RSRP1: variants seen among roughly 807,000 people sequenced by gnomAD.
RSRP1 encodes arginine and serine rich protein 1.
In RSRP1, 37 loss-of-function variants were observed where a neutral mutation model predicts 33.0. The ratio of observed to expected loss-of-function variants is 1.12; its 90% CI spans 0.86 to 1.48. RSRP1 has a LOEUF of 1.48. Ranked by LOEUF, RSRP1 falls within the 40% of genes most tolerant of loss-of-function variation. The pLI, the probability that RSRP1 is intolerant of heterozygous loss-of-function variation, is 0.00. For missense variants in RSRP1, 402 were observed against 385.3 expected (o/e 1.04, Z -0.36); for synonymous variants, 167 against 158.7 (o/e 1.05, Z -0.40).
At chr1:25,313,726 A>G (rs1644285248) in intron 1 of RSRP1, among the ~76,000 whole-genome samples, 1 of 131,972 alleles carries the variant, frequency 7.6e-6, no homozygotes, top group Non-Finnish European at 1.8e-5. Flanking sequence ...GTGGTGGGAG[A>G]GTAACTGGGT....
chr1:25,299,251 G>A (rs546795387), intron 1 of RSRP1, among the ~76,000 whole-genome samples: 2 of 128,666 alleles, frequency 1.6e-5, no homozygotes, highest in East Asian at 3.9e-4. Context: ...GCACGGTGGT[G>A]GGTGCCTGTA....
Position 25,292,018 on chromosome 1 carries a change from T to G in RSRP1, c.-66-44989A>C, listed in dbSNP as rs761972740. Among the ~76,000 whole-genome samples the G allele has an allele frequency of 2.6e-4, 34 of 131,536 alleles. 8 individuals are homozygous for G. The highest frequency in any genetic ancestry group is 4.7e-4 in the South Asian group (2 of 4,300). The allele number at this position is 131,536 out of a possible 152,430, so 86.3% of individuals were successfully genotyped here. A position where few individuals can be genotyped will look rare whatever the true frequency, so the allele number is the denominator to read the frequency against. ...TGGACTTGGAGTCAAAGGCTGGGGT[T>G]TGCATCCCAGCTCTGCCATAAATCC... On this transcript the variant is annotated intron_variant, in intron 1 of 1. Transcript: ENST00000561867.
In RSRP1 at chr1:25,315,574, G is replaced by A. The variant is rs1418191087; in HGVS notation, c.-67+22404C>T. On this transcript the variant is annotated intron_variant, in intron 1 of 1. Transcript: ENST00000561867. ...TGCAGTGGCGTGATCTCAGCTCACTGCAAACTCCACCTCCCAGGTTCACGC... is the reference window on the plus strand; with the variant it reads ...TGCAGTGGCGTGATCTCAGCTCACTACAAACTCCACCTCCCAGGTTCACGC... Among the ~76,000 whole-genome samples, 2 of 121,352 alleles carry A rather than the reference G, an allele frequency of 1.6e-5. 1 individual carries two copies. Among genetic ancestry groups the A allele is most frequent in the South Asian group, 5.1e-4 (2 of 3,940 alleles). 79.6% of individuals were successfully genotyped at this position (121,352 alleles called of 152,430 possible).
intron 1 of RSRP1, among the ~76,000 whole-genome samples, chr1:25,257,149 T>C (rs903242555): frequency 6.6e-6 from 1 of 152,226 alleles, no homozygotes; most frequent in Non-Finnish European, 1.5e-5. Flanking sequence ...AAAAAGGTTG[T>C]CACGACAATG....
In RSRP1 at chr1:25,261,022, C is replaced by G. The variant is rs554434430; in HGVS notation, c.-66-13993G>C. Among the ~76,000 whole-genome samples the G allele has an allele frequency of 3.9e-3, 596 of 151,886 alleles. 4 individuals carry two copies. Among genetic ancestry groups the G allele is most frequent in the African/African-American group, 0.014 (571 of 41,342 alleles). ...TCACCATATTGGCCAGGCTGGTCTC[C>G]AACTCCTGACCTTGTCATCTGCCTG... On this transcript the variant is annotated intron_variant, in intron 1 of 1. Coordinates refer to the RSRP1 transcript ENST00000561867.
At chr1:25,244,443 G>C in intron 3 of RSRP1, 2 of 1,289,354 alleles carry the variant, frequency 1.6e-6, no homozygotes, top group Non-Finnish European at 2.0e-6. Flanking sequence ...TTTAGCCCAT[G>C]TATCAATTAC....
intron 1 of RSRP1, among the ~76,000 whole-genome samples, chr1:25,264,267 C>T (rs1330215299): frequency 6.6e-6 from 1 of 152,016 alleles, no homozygotes; most frequent in Non-Finnish European, 1.5e-5. Flanking sequence ...TCTGCACTGC[C>T]CTGGCAGAGG....
chr1:25,292,037 T>C (rs574947229), intron 1 of RSRP1, among the ~76,000 whole-genome samples: 2 of 132,884 alleles, frequency 1.5e-5, no homozygotes, highest in East Asian at 3.9e-4. Context: ...AGCTCTGCCA[T>C]AAATCCCTGT....
rs377172989 is a variant in RSRP1 at position 25,289,817 on chromosome 1, A to C, written c.-66-42788T>G. Among the ~76,000 whole-genome samples, 3 of 113,876 alleles carry C rather than the reference A, an allele frequency of 2.6e-5. 1 individual carries two copies. The Admixed American group carries it at 2.6e-4, about 10-fold the overall frequency. The allele number at this position is 113,876 out of a possible 152,430, so 74.7% of individuals were successfully genotyped here. ...TCATGGTGTAGCCTGTCTAGATCAT[A>C]AGTACATTTTTTTTTTTTTTGGATC... is the stretch of plus-strand genomic sequence containing the variant. On this transcript the variant is annotated intron_variant, in intron 1 of 1. Transcript: ENST00000561867.
At chr1:25,250,839 T>C, upstream of RSRP1, among the ~76,000 whole-genome samples, 1 of 151,900 alleles carries the variant, frequency 6.6e-6, no homozygotes, top group East Asian at 1.9e-4. Flanking sequence ...TGAAACCCCA[T>C]CTCTACTAAA....
At chr1:25,299,348 C>G (rs1643202456) in intron 1 of RSRP1, among the ~76,000 whole-genome samples, 1 of 130,750 alleles carries the variant, frequency 7.6e-6, no homozygotes, top group Non-Finnish European at 1.8e-5. Flanking sequence ...CACCAGTGCA[C>G]TCTAGCCTGG....
rs1643019304 is a variant in RSRP1, at chr1:25,297,084, C to T, written c.-67+40894G>A. ...GAAAAAAATATATATTTTTTGTGGT[C>T]GAGGATTACATCTTGCATTTAGTTC... On this transcript the variant is annotated intron_variant, in intron 1 of 1. Transcript: ENST00000561867. 1.6e-5 allele frequency among the ~76,000 whole-genome samples: 2 copies of T among 125,870 alleles called. 1 individual carries two copies. Among genetic ancestry groups the T allele is most frequent in the Non-Finnish European group, 3.7e-5 (2 of 53,942 alleles). The allele number at this position is 125,870 out of a possible 152,430, so 82.6% of individuals were successfully genotyped here. A position where few individuals can be genotyped will look rare whatever the true frequency, so the allele number is the denominator to read the frequency against.
At chr1:25,290,675 C>G (rs779613913) in intron 1 of RSRP1, 1 of 1,378,342 alleles carries the variant, frequency 7.3e-7, no homozygotes, top group African/African-American at 1.4e-5. Context: ...TTTGTCGGTG[C>G]TGATCTCAGT....
chr1:25,334,187 A>G lies in RSRP1; in HGVS notation c.-67+3791T>C, dbSNP rs1645050718. 1.5e-5 allele frequency among the ~76,000 whole-genome samples: 2 copies of G among 132,364 alleles called. 1 individual carries two copies. The highest frequency in any genetic ancestry group is 3.6e-5 in the Non-Finnish European group (2 of 56,014). 86.8% of individuals were successfully genotyped at this position (132,364 alleles called of 152,430 possible). ...ATTACTTCCTAGATACAATGGGGGT[A>G]CAGGCATTGGGTAAATACAGCCATT... On this transcript the variant is annotated intron_variant, in intron 1 of 1. Transcript: ENST00000561867.
intron 1 of RSRP1, among the ~76,000 whole-genome samples, chr1:25,302,017 T>C (rs1162066469): frequency 7.7e-6 from 1 of 130,306 alleles, no homozygotes. Flanking sequence ...CAGACTAGAC[T>C]AGAATTAGCC....
intron 1 of RSRP1, among the ~76,000 whole-genome samples, chr1:25,254,633 A>G (rs1163345975): frequency 1.3e-5 from 2 of 151,854 alleles, no homozygotes; most frequent in African/African-American, 2.4e-5. Context: ...ACGGGGTTTC[A>G]CCATGTTGAC....
rs2124209164 is a variant in RSRP1, at chr1:25,333,223, T to C, written c.-67+4755A>G. ...CATTCAGTCATATATCAATCTCTTC[T>C]GGAAATACCCTCACAGACACACTAA... is the stretch of plus-strand genomic sequence containing the variant. On this transcript the variant is annotated intron_variant, in intron 1 of 1. Transcript: ENST00000561867. 2.3e-5 allele frequency among the ~76,000 whole-genome samples: 3 copies of C among 132,362 alleles called. 1 individual carries two copies. Among genetic ancestry groups the C allele is most frequent in the Admixed American group, 2.2e-4 (3 of 13,622 alleles). The allele number at this position is 132,362 out of a possible 152,430, so 86.8% of individuals were successfully genotyped here.
rs1023307294 is a variant in RSRP1 at position 25,246,848 on chromosome 1, A to G, written c.116T>C (p.Phe39Ser). Residue 39 changes from phenylalanine (F) to serine (S), a missense_variant, in exon 2 of 5, where the codon TTT becomes TCT. Coordinates refer to ENST00000243189, the MANE Select transcript of RSRP1 (RefSeq NM_020317.5). ...RLSSRSRSRS[F>S]SRSSRSHSRV... ...GGAATGGGACCGAGAGCTTCTGGAA[A>G]AAGAGCGGCTCCTAGACCGCGACGA... is the stretch of plus-strand genomic sequence containing the variant. 1.9e-6 allele frequency: 3 copies of G among 1,612,778 alleles called. No individual in the cohort carries two copies. Among genetic ancestry groups the G allele is most frequent in the Non-Finnish European group, 2.5e-6 (3 of 1,179,640 alleles).
Position 25,329,250 on chromosome 1 carries a change from T to TG in RSRP1, c.-67+8727_-67+8728insC, listed in dbSNP as rs1171429748. ...TTATTATTCCTTGTTTTTTTTTTTT[T>TG]TTTTTTTTTTTTGAGATGTAGTCTT... On this transcript the variant is annotated intron_variant, in intron 1 of 1. Transcript: ENST00000561867. 16 of 648,370 alleles carry TG rather than the reference T, an allele frequency of 2.5e-5. 2 individuals carry two copies. In the East Asian group the frequency reaches 2.7e-4, roughly 11 times the overall value. The allele number at this position is 648,370 out of a possible 1,614,324, so 40.2% of individuals were successfully genotyped here.
Sources: gnomAD v4.1 joint callset for allele counts (sites outside exome capture counted in the v4.1 genomes callset) on GRCh38, gnomAD v4.1.1 for gene constraint, MANE v1.5 for transcripts, NCBI Gene and HGNC (gene_info 2026-07-23, HGNC 2026-07-21) for gene names.